NRG1: variants seen among roughly 807,000 people sequenced by gnomAD.
NRG1 encodes neuregulin 1, also known as pro-neuregulin-1, membrane-bound isoform.
NRG1 carries 18 observed loss-of-function variants against 63.8 expected under a neutral mutation model. That is an observed-to-expected ratio of 0.28 (90% confidence interval 0.19 to 0.42). The LOEUF (loss-of-function observed/expected upper bound fraction) is 0.42. NRG1 is among the 10% of genes least tolerant of loss of function. NRG1 has a pLI of 1.00. For synonymous variants in NRG1, 302 were observed against 301.3 expected (o/e 1.00, Z -0.02); for missense variants, 762 against 814.7 (o/e 0.94, Z 0.79).
At chr8:31,877,422 A>G (rs1020455547) in intron 1 of NRG1, among the ~76,000 whole-genome samples, 1 of 151,770 alleles carries the variant, frequency 6.6e-6, no homozygotes, top group African/African-American at 2.4e-5. Context: ...TGTTCTGTAT[A>G]TATTCTGTTC....
chr8:32,771,103 AGGTTTT>A (rs1332145798), downstream of NRG1, among the ~76,000 whole-genome samples: 4 of 151,790 alleles, frequency 2.6e-5, no homozygotes, highest in Non-Finnish European at 5.9e-5. Context: ...TAAGTTCTTT[AGGTTTT>A]GGTTTTGGTT....
exon 1 of NRG1, chr8:31,639,354 G>C (rs1195218195): frequency 2.6e-6 from 4 of 1,533,674 alleles, no homozygotes; most frequent in Admixed American, 2.0e-5. Flanking sequence ...GGGACGCCCA[G>C]GAGGACCCAC....
chr8:32,686,067 C>T (rs1009335055), intron 5 of NRG1, among the ~76,000 whole-genome samples: 1 of 152,178 alleles, frequency 6.6e-6, no homozygotes, highest in African/African-American at 2.4e-5. Flanking sequence ...TTTATCATTA[C>T]AATTGCTGCC....
chr8:32,418,787 T>C (rs898857185), intron 1 of NRG1, among the ~76,000 whole-genome samples: 1 of 152,186 alleles, frequency 6.6e-6, no homozygotes. Context: ...TCTAAGATTG[T>C]TCTTAAAACC....
rs557619226 is a variant in NRG1, at chr8:32,363,041, G to A, written c.38-232787G>A. Among the ~76,000 whole-genome samples the A allele has an allele frequency of 1.2e-3, 182 of 152,312 alleles. 1 individual carries two copies. Among genetic ancestry groups the A allele is most frequent in the African/African-American group, 4.3e-3 (179 of 41,574 alleles). On this transcript the variant is annotated intron_variant, in intron 1 of 10. Transcript: ENST00000519301. The stretch of plus-strand genomic sequence containing the variant: ...AATTAACTCTGCCCATGCTGCTGAA[G>A]TTTCAGTCCATTAGTCTGAGTGAAT...
At chr8:32,336,836 C>A (rs1277903744) in intron 1 of NRG1, among the ~76,000 whole-genome samples, 1 of 152,138 alleles carries the variant, frequency 6.6e-6, no homozygotes, top group African/African-American at 2.4e-5. Flanking sequence ...TCTCAAACTC[C>A]TGTGCTCAGG....
At chr8:31,677,272 C>T (rs1335649527) in intron 1 of NRG1, among the ~76,000 whole-genome samples, 1 of 151,946 alleles carries the variant, frequency 6.6e-6, no homozygotes, top group Admixed American at 6.6e-5. Flanking sequence ...GTTTAAAAGT[C>T]TAAATAAACA....
intron 1 of NRG1, among the ~76,000 whole-genome samples, chr8:31,675,787 AT>A (rs1419779554): frequency 6.6e-6 from 1 of 152,182 alleles, no homozygotes; most frequent in Non-Finnish European, 1.5e-5. Flanking sequence ...ATATGATCAC[AT>A]TTGGTCCTCC....
chr8:32,064,107 A>G (rs530500721), intron 1 of NRG1, among the ~76,000 whole-genome samples: 1 of 152,254 alleles, frequency 6.6e-6, no homozygotes, highest in African/African-American at 2.4e-5. Context: ...TCTGGCAAAG[A>G]AATGTTATCT....
rs370670837 is a variant in NRG1 at position 32,197,524 on chromosome 8, G to A, written c.38-398304G>A. On this transcript the variant is annotated intron_variant, in intron 1 of 10. Coordinates refer to the NRG1 transcript ENST00000519301. ...GCCTGACCTTTTGCCTTTTGGCAAC[G>A]TTTATCACCTCTGAGGATTCAGCTT... Among the ~76,000 whole-genome samples, 6 of 152,290 alleles carry A rather than the reference G, an allele frequency of 3.9e-5. No individual in the cohort carries two copies. In the South Asian group the frequency reaches 6.2e-4, roughly 16 times the overall value.
At chr8:32,654,694 T>A (rs1855912071) in intron 5 of NRG1, among the ~76,000 whole-genome samples, 1 of 152,158 alleles carries the variant, frequency 6.6e-6, no homozygotes, top group Admixed American at 6.5e-5. Flanking sequence ...AGGCTGGACA[T>A]CTGTCTCCCA....
intron 1 of NRG1, among the ~76,000 whole-genome samples, chr8:31,938,124 A>C (rs1801204161): frequency 6.6e-6 from 1 of 152,158 alleles, no homozygotes; most frequent in East Asian, 1.9e-4. Context: ...TGCATTAAAC[A>C]AAAACACAAC....
intron 1 of NRG1, among the ~76,000 whole-genome samples, chr8:32,444,456 T>C (rs1819986047): frequency 6.6e-6 from 1 of 152,196 alleles, no homozygotes; most frequent in South Asian, 2.1e-4. Context: ...CATTTTCTTA[T>C]GTTTCCCATA....
chr8:32,189,297 A>G (rs538753927), intron 1 of NRG1, among the ~76,000 whole-genome samples: 59 of 152,094 alleles, frequency 3.9e-4, no homozygotes, highest in Non-Finnish European at 7.4e-4. Context: ...TGTGTATCCA[A>G]TGTTTAGCTC....
intron 1 of NRG1, among the ~76,000 whole-genome samples, chr8:31,790,475 C>A (rs1406420067): frequency 6.6e-6 from 1 of 152,144 alleles, no homozygotes; most frequent in African/African-American, 2.4e-5. Context: ...GCAGATTTAC[C>A]TACATAATTT....
intron 1 of NRG1, among the ~76,000 whole-genome samples, chr8:31,831,151 G>T (rs1289719062): frequency 2.0e-5 from 3 of 151,738 alleles, no homozygotes; most frequent in African/African-American, 7.3e-5. Flanking sequence ...ACCCAGGCTG[G>T]AGTGCAGTGG....
intron 1 of NRG1, among the ~76,000 whole-genome samples, chr8:32,519,397 T>C (rs1032747884): frequency 6.6e-6 from 1 of 151,616 alleles, no homozygotes; most frequent in African/African-American, 2.4e-5. Flanking sequence ...GTTATTTCAT[T>C]AAGCTAAATG....
chr8:32,233,146 T>G (rs4262288), intron 1 of NRG1, among the ~76,000 whole-genome samples: 113,494 of 151,826 alleles, frequency 0.75, 43,519 homozygotes, highest in African/African-American at 0.91. Flanking sequence ...CTGTTGCCCA[T>G]GCTGGAGTGC....
intron 1 of NRG1, among the ~76,000 whole-genome samples, chr8:32,216,902 C>T (rs951947952): frequency 1.3e-5 from 2 of 151,846 alleles, no homozygotes; most frequent in East Asian, 1.9e-4. Flanking sequence ...GGTTCTCAGC[C>T]TTAGTTGCTC....
Sources: allele counts gnomAD v4.1 joint callset (sites outside exome capture counted in the v4.1 genomes callset), GRCh38; gene constraint gnomAD v4.1.1; transcripts MANE v1.5; gene names NCBI Gene and HGNC (gene_info 2026-07-23, HGNC 2026-07-21).